VWA3B: variants seen among roughly 807,000 people sequenced by gnomAD.
The protein encoded by VWA3B is von Willebrand factor A domain containing 3B, also known as von Willebrand factor A domain-containing protein 3B.
Under a neutral mutation model 158.3 loss-of-function variants are expected in VWA3B, and 138 were observed. The ratio of observed to expected loss-of-function variants is 0.87; its 90% confidence interval spans 0.76 to 1.00. The LOEUF (loss-of-function observed/expected upper bound fraction) is 1.00. VWA3B is among the 50% of genes least tolerant of loss of function. The probability of loss-of-function intolerance (pLI) is 0.00; values close to 1 mark genes in which losing one functional copy is unlikely to be tolerated. For missense variants in VWA3B, 1,555 were observed against 1,565.1 expected, an observed-to-expected ratio of 0.99 and a Z score of 0.11; for synonymous variants, 596 against 587.3, an observed-to-expected ratio of 1.01 and a Z score of -0.21.
chr2:98,120,126 T>C (rs1674852100), intron 4 of VWA3B, among the ~76,000 whole-genome samples: 1 of 152,218 alleles, frequency 6.6e-6, no homozygotes, highest in Non-Finnish European at 1.5e-5. Context: ...ATGTCACTAA[T>C]TTCACTGATT....
intron 7 of VWA3B, among the ~76,000 whole-genome samples, chr2:98,149,356 A>G (rs1677429700): frequency 6.6e-6 from 1 of 152,226 alleles, no homozygotes; most frequent in Non-Finnish European, 1.5e-5. Context: ...ATTGAAAACG[A>G]AAGTACCCTC....
chr2:98,254,757 G>C (rs1687007265), intron 20 of VWA3B, among the ~76,000 whole-genome samples: 1 of 152,194 alleles, frequency 6.6e-6, no homozygotes, highest in South Asian at 2.1e-4. Flanking sequence ...CGGCAAGAAG[G>C]AGAAGAAGCC....
At chr2:98,113,421 T>C (rs1240831929) in intron 2 of VWA3B, among the ~76,000 whole-genome samples, 1 of 152,154 alleles carries the variant, frequency 6.6e-6, no homozygotes, top group Admixed American at 6.5e-5. Flanking sequence ...TACTGTATTT[T>C]TATCCACATT....
chr2:98,288,792 AC>A (rs1689317275), intron 22 of VWA3B, among the ~76,000 whole-genome samples: 1 of 152,160 alleles, frequency 6.6e-6, no homozygotes, highest in African/African-American at 2.4e-5. Flanking sequence ...TATTTAATAT[AC>A]ATAAGCCTCT....
At chr2:98,235,413 G>T (rs1460712836) in intron 17 of VWA3B, among the ~76,000 whole-genome samples, 1 of 151,162 alleles carries the variant, frequency 6.6e-6, no homozygotes, top group Non-Finnish European at 1.5e-5. Flanking sequence ...TGATCTGTCT[G>T]ATATCTTTTC....
chr2:98,094,375 T>C (rs1357697491), intron 2 of VWA3B, among the ~76,000 whole-genome samples: 1 of 152,220 alleles, frequency 6.6e-6, no homozygotes, highest in African/African-American at 2.4e-5. Flanking sequence ...TGCATTTCCT[T>C]GACCATTAGT....
chr2:98,282,522 C>A (rs114470415), intron 22 of VWA3B, among the ~76,000 whole-genome samples: 4,608 of 147,938 alleles, frequency 0.031, 108 homozygotes, highest in Middle Eastern at 0.065. Context: ...ACTGCAACTT[C>A]CGCCTTCCAG....
At chr2:98,098,257 A>AT (rs1203283553) in intron 2 of VWA3B, among the ~76,000 whole-genome samples, 1 of 151,958 alleles carries the variant, frequency 6.6e-6, no homozygotes, top group Non-Finnish European at 1.5e-5. Flanking sequence ...TAAATCTAAC[A>AT]TTTTCTGGTT....
intron 20 of VWA3B, among the ~76,000 whole-genome samples, chr2:98,252,184 C>A (rs1461110809): frequency 6.6e-6 from 1 of 152,122 alleles, no homozygotes; most frequent in Admixed American, 6.5e-5. Flanking sequence ...TCTGCAGGGG[C>A]GGTGGCTTGG....
intron 8 of VWA3B, among the ~76,000 whole-genome samples, chr2:98,172,477 C>T (rs974735724): frequency 4.6e-5 from 7 of 152,160 alleles, no homozygotes; most frequent in Admixed American, 1.3e-4. Context: ...AGAATGGGGG[C>T]GTGACAGGCC....
intron 12 of VWA3B, among the ~76,000 whole-genome samples, chr2:98,203,168 G>C (rs1682725493): frequency 6.6e-6 from 1 of 152,106 alleles, no homozygotes; most frequent in Non-Finnish European, 1.5e-5. Flanking sequence ...TGCAATTCTT[G>C]TGACACCATT....
intron 12 of VWA3B, among the ~76,000 whole-genome samples, chr2:98,196,549 A>G (rs1298805361): frequency 1.3e-5 from 2 of 152,204 alleles, no homozygotes; most frequent in African/African-American, 4.8e-5. Context: ...CCAAACAAGC[A>G]TAGGCGTTCC....
intron 12 of VWA3B, among the ~76,000 whole-genome samples, chr2:98,198,974 C>A (rs1431128704): frequency 6.6e-6 from 1 of 151,938 alleles, no homozygotes; most frequent in Admixed American, 6.6e-5. Context: ...GTAGTACCAG[C>A]TACTCGGGAG....
chr2:98,186,158 AT>A (rs377014875), intron 9 of VWA3B, among the ~76,000 whole-genome samples: 65 of 128,348 alleles, frequency 5.1e-4, no homozygotes, highest in South Asian at 2.9e-3. Context: ...ACTTCCTTGA[AT>A]TTTTTTTTTT....
At chr2:98,269,966 A>T (rs1206388104) in intron 21 of VWA3B, among the ~76,000 whole-genome samples, 2 of 150,136 alleles carry the variant, frequency 1.3e-5, no homozygotes, top group Non-Finnish European at 2.9e-5. Context: ...TTCAGCAATA[A>T]GAGTGATAAT....
intron 18 of VWA3B, 46 bp downstream of exon 18, chr2:98,236,523 G>GTAAT: frequency 6.2e-7 from 1 of 1,613,852 alleles, no homozygotes; most frequent in Non-Finnish European, 8.5e-7. Context: ...TGCTTCTGTT[G>GTAAT]GTTAACCATC....
intron 7 of VWA3B, among the ~76,000 whole-genome samples, chr2:98,155,394 C>T (rs1390721613): frequency 1.3e-5 from 2 of 152,118 alleles, no homozygotes; most frequent in African/African-American, 4.8e-5. Flanking sequence ...TCCAGGATAC[C>T]CAAGGCCAGC....
At chr2:98,194,895 A>G (rs963097034) in intron 12 of VWA3B, among the ~76,000 whole-genome samples, 1 of 152,210 alleles carries the variant, frequency 6.6e-6, no homozygotes, top group East Asian at 1.9e-4. Context: ...AGTAAGGAGC[A>G]TGTGGAAATA....
In VWA3B at chr2:98,121,411, G is replaced by A. The variant is rs139296152; in HGVS notation, c.655G>A (p.Glu219Lys). Reference protein sequence around the residue: ...EKLTVELTVSEAGRLDALLEA... With the variant: ...EKLTVELTVSKAGRLDALLEA... The stretch of plus-strand genomic sequence containing the variant: ...ACTGACGGTTGAGCTGACTGTGAGC[G>A]AGGCTGGCCGCCTGGATGCTCTGCT... Residue 219 changes from glutamate to lysine, a missense_variant, in exon 5 of 28, where the codon GAG becomes AAG. By Grantham distance (56) the Glu-to-Lys change is moderately conservative. Transcript: ENST00000477737. 4 of 1,614,214 alleles carry A rather than the reference G, an allele frequency of 2.5e-6. No individual in the cohort carries two copies. The highest frequency in any genetic ancestry group is 1.1e-5 in the South Asian group (1 of 91,086).
Sources: gnomAD v4.1 joint callset for allele counts (sites outside exome capture counted in the v4.1 genomes callset) on GRCh38, gnomAD v4.1.1 for gene constraint, MANE v1.5 for transcripts, NCBI Gene and HGNC (gene_info 2026-07-23, HGNC 2026-07-21) for gene names.